DCLK1: variants seen among roughly 807,000 people sequenced by gnomAD.
The protein encoded by DCLK1 is serine/threonine-protein kinase DCLK1.
DCLK1 carries 16 observed loss-of-function variants against 86.2 expected under a neutral mutation model. The ratio of observed to expected loss-of-function variants is 0.19; its 90% confidence interval spans 0.13 to 0.28. The LOEUF is 0.28. Among genes scored for constraint, DCLK1 ranks in the 10% least tolerant of loss-of-function variants. The pLI is 1.00. For missense variants in DCLK1, 590 were observed against 940.2 expected (o/e 0.63, Z 4.87); for synonymous variants, 369 against 370.5 (o/e 1.00, Z 0.05).
intron 4 of DCLK1, among the ~76,000 whole-genome samples, chr13:35,903,084 C>A (rs1054680956): frequency 1.3e-5 from 2 of 152,074 alleles, no homozygotes; most frequent in Admixed American, 6.6e-5. Context: ...CAATTATAAA[C>A]AATTTCTGTA....
intron 3 of DCLK1, among the ~76,000 whole-genome samples, chr13:35,980,348 G>A (rs113136205): frequency 0.048 from 7,293 of 152,148 alleles, 238 homozygotes; most frequent in Non-Finnish European, 0.074. Flanking sequence ...CCAGCCACTC[G>A]GGAGGCTGAG....
chr13:35,864,863 G>C (rs1015561804), intron 5 of DCLK1, among the ~76,000 whole-genome samples: 2 of 151,944 alleles, frequency 1.3e-5, no homozygotes, highest in African/African-American at 4.8e-5. Flanking sequence ...TGTTGCCTAG[G>C]TTGGTCTCAA....
intron 3 of DCLK1, among the ~76,000 whole-genome samples, chr13:36,065,739 A>G (rs1448090491): frequency 6.6e-6 from 1 of 152,352 alleles, no homozygotes; most frequent in East Asian, 1.9e-4. Context: ...CATCTGGCTA[A>G]TTTGGCACAT....
chr13:35,774,436 C>A lies in DCLK1; in HGVS notation c.*99G>T, dbSNP rs1465761045. On this transcript the variant is annotated 3_prime_UTR_variant, in exon 17 of 17. Coordinates refer to ENST00000360631, the MANE Select transcript of DCLK1 (RefSeq NM_001330071.2). The stretch of plus-strand genomic sequence containing the variant: ...TCAGTTCTGCCATTCAAGCATTGAG[C>A]GCTAGATAGATCAGATGAAACTGTT... 8.6e-6 allele frequency: 12 copies of A among 1,401,972 alleles called. No individual in the cohort carries two copies. Among genetic ancestry groups the A allele is most frequent in the Non-Finnish European group, 1.1e-5 (11 of 1,030,042 alleles). 86.8% of individuals were successfully genotyped at this position (1,401,972 alleles called of 1,614,324 possible). A position where few individuals can be genotyped will look rare whatever the true frequency, so the allele number is the denominator to read the frequency against.
At chr13:35,942,967 A>G (rs1403803563) in intron 4 of DCLK1, among the ~76,000 whole-genome samples, 1 of 152,248 alleles carries the variant, frequency 6.6e-6, no homozygotes, top group Admixed American at 6.5e-5. Context: ...AAGTTCAAAT[A>G]AAATTTGAAC....
intron 3 of DCLK1, among the ~76,000 whole-genome samples, chr13:35,987,499 TA>T (rs369467900): frequency 1.7e-4 from 26 of 152,236 alleles, no homozygotes; most frequent in African/African-American, 6.0e-4. Context: ...AAACGACCCT[TA>T]GGGGGTGCTT....
intron 3 of DCLK1, among the ~76,000 whole-genome samples, chr13:36,026,930 G>C (rs969797533): frequency 3.3e-5 from 5 of 151,962 alleles, no homozygotes; most frequent in Non-Finnish European, 7.4e-5. Context: ...TTGATATAGA[G>C]AGCTACCCAT....
At chr13:35,780,078 C>T (rs1244063144) in intron 16 of DCLK1, among the ~76,000 whole-genome samples, 1 of 151,772 alleles carries the variant, frequency 6.6e-6, no homozygotes, top group South Asian at 2.1e-4. Context: ...TTCTAAAAGG[C>T]AGCTTTACTA....
chr13:36,066,461 G>A (rs1261083047), intron 3 of DCLK1, among the ~76,000 whole-genome samples: 4 of 152,158 alleles, frequency 2.6e-5, no homozygotes, highest in African/African-American at 9.7e-5. Context: ...AGTAATCACT[G>A]GTACATTTCT....
chr13:35,775,780 T>G lies in DCLK1; in HGVS notation c.2059-1081A>C, dbSNP rs748253044. On this transcript the variant is annotated intron_variant, in intron 16 of 16. Transcript: ENST00000360631. Reference sequence around the variant, plus strand: ...CTCTTGAAAATTTACTGTTAGCTCCTTCAAAGAACAGAGATAAATTTACAG... The same window carrying G: ...CTCTTGAAAATTTACTGTTAGCTCCGTCAAAGAACAGAGATAAATTTACAG... 6.6e-5 allele frequency among the ~76,000 whole-genome samples: 10 copies of G among 152,284 alleles called. No homozygotes were observed. The Middle Eastern group carries it at 0.02, about 311-fold the overall frequency.
intron 16 of DCLK1, among the ~76,000 whole-genome samples, chr13:35,789,435 A>T (rs553629506): frequency 6.6e-6 from 1 of 152,232 alleles, no homozygotes; most frequent in Non-Finnish European, 1.5e-5. Context: ...AAAAAATCAA[A>T]GTATACTGGC....
chr13:36,076,247 A>G (rs1194959362), intron 3 of DCLK1, among the ~76,000 whole-genome samples: 1 of 152,230 alleles, frequency 6.6e-6, no homozygotes, highest in African/African-American at 2.4e-5. Flanking sequence ...GCATGTTAAT[A>G]ATGTAAAAGA....
intron 4 of DCLK1, among the ~76,000 whole-genome samples, chr13:35,935,540 C>CA (rs1306493015): frequency 6.6e-6 from 1 of 152,104 alleles, no homozygotes; most frequent in Admixed American, 6.5e-5. Context: ...ATGCTGATGC[C>CA]ATGAGCTCAT....
chr13:35,968,106 C>A (rs1166492807), intron 3 of DCLK1, among the ~76,000 whole-genome samples: 1 of 151,928 alleles, frequency 6.6e-6, no homozygotes, highest in Non-Finnish European at 1.5e-5. Context: ...ATCCTGAGGT[C>A]ATTATGCTAA....
rs141711280 is a variant in DCLK1, at chr13:35,963,199, A to T, written c.724-15742T>A. Among the ~76,000 whole-genome samples the T allele has an allele frequency of 5.0e-3, 765 of 152,286 alleles. 2 individuals carry two copies. Among genetic ancestry groups the T allele is most frequent in the South Asian group, 9.5e-3 (46 of 4,824 alleles). ...AATGATAAATTATACTAAATGAACA[A>T]TGTCTCTTCTAGCTCTTTTGTTTCA... On this transcript the variant is annotated intron_variant, in intron 3 of 16. Transcript: ENST00000360631.
chr13:36,124,642 C>T (rs867542789), intron 2 of DCLK1, among the ~76,000 whole-genome samples: 7 of 152,230 alleles, frequency 4.6e-5, no homozygotes, highest in Non-Finnish European at 2.9e-5. Context: ...CTTCCTGCTA[C>T]CTGCACAAGA....
chr13:35,917,781 G>C (rs1875513699), intron 4 of DCLK1, among the ~76,000 whole-genome samples: 1 of 151,880 alleles, frequency 6.6e-6, no homozygotes, highest in African/African-American at 2.4e-5. Flanking sequence ...GAATATTTTA[G>C]GCAGAGCTCA....
chr13:35,958,145 C>CATCACTGCTATAACCACCACT (rs1566620674), intron 3 of DCLK1, among the ~76,000 whole-genome samples: 2 of 146,458 alleles, frequency 1.4e-5, no homozygotes, highest in African/African-American at 2.6e-5. Flanking sequence ...TAACCACCAC[C>CATCACTGCTATAACCACCACT]ACCACCACTA....
intron 16 of DCLK1, among the ~76,000 whole-genome samples, chr13:35,787,060 T>C (rs1007441087): frequency 3.4e-4 from 51 of 151,056 alleles, no homozygotes; most frequent in African/African-American, 1.0e-3. Flanking sequence ...GGAGTAACAA[T>C]TGGGGCTAAA....
Sources: gnomAD v4.1 joint callset for allele counts (sites outside exome capture counted in the v4.1 genomes callset) on GRCh38, gnomAD v4.1.1 for gene constraint, MANE v1.5 for transcripts, NCBI Gene and HGNC (gene_info 2026-07-23, HGNC 2026-07-21) for gene names.